ALK: variants seen among roughly 807,000 people sequenced by gnomAD.
The protein encoded by ALK is ALK receptor tyrosine kinase.
A neutral mutation model predicts 163.1 loss-of-function variants in ALK; 74 were observed. That is an observed-to-expected ratio of 0.45 (90% CI 0.38 to 0.55). The LOEUF (loss-of-function observed/expected upper bound fraction) is 0.55, where lower values mean the gene tolerates loss of function less well. ALK is among the 20% of genes least tolerant of loss of function. The pLI, the probability that ALK is intolerant of heterozygous loss-of-function variation, is 0.00. For missense variants in ALK, 2,063 were observed against 2,105.3 expected (o/e 0.98, Z 0.39); for synonymous variants, 960 against 843.2 (o/e 1.14, Z -2.40).
At chr2:29,653,015 T>G (rs905168490) in intron 3 of ALK, among the ~76,000 whole-genome samples, 1 of 152,106 alleles carries the variant, frequency 6.6e-6, no homozygotes, top group South Asian at 2.1e-4. Context: ...TCCTAAGGCT[T>G]GGACTTAAGA....
At chr2:29,897,999 C>T (rs928165035) in intron 1 of ALK, among the ~76,000 whole-genome samples, 1 of 152,072 alleles carries the variant, frequency 6.6e-6, no homozygotes, top group Non-Finnish European at 1.5e-5. Flanking sequence ...AGCTTGAAGT[C>T]AGACAGAAGT....
chr2:29,875,623 C>T (rs893202829), intron 1 of ALK, among the ~76,000 whole-genome samples: 1 of 152,084 alleles, frequency 6.6e-6, no homozygotes, highest in African/African-American at 2.4e-5. Flanking sequence ...TGATGTTCCT[C>T]CCACTGTGTC....
intron 5 of ALK, among the ~76,000 whole-genome samples, chr2:29,377,335 C>T (rs565545988): frequency 2.0e-5 from 3 of 152,116 alleles, no homozygotes; most frequent in Admixed American, 1.3e-4. Flanking sequence ...ATTAGCCAGG[C>T]GTGGTGGCTT....
intron 4 of ALK, among the ~76,000 whole-genome samples, chr2:29,515,752 A>C (rs898881900): frequency 2.6e-5 from 4 of 152,220 alleles, no homozygotes; most frequent in African/African-American, 4.8e-5. Context: ...CAACTTTAGA[A>C]GCATACGGTA....
At chr2:29,301,126 T>A (rs1666356117) in intron 8 of ALK, among the ~76,000 whole-genome samples, 1 of 152,192 alleles carries the variant, frequency 6.6e-6, no homozygotes, top group Admixed American at 6.5e-5. Context: ...GGTTCCAGAC[T>A]CCCCTACACC....
intron 4 of ALK, among the ~76,000 whole-genome samples, chr2:29,477,984 T>G (rs1300040539): frequency 2.0e-5 from 3 of 152,194 alleles, no homozygotes; most frequent in Non-Finnish European, 4.4e-5. Context: ...AAAAAGACTA[T>G]TTTCCTGAGT....
At chr2:29,373,134 T>C (rs1191724820) in intron 5 of ALK, among the ~76,000 whole-genome samples, 1 of 152,270 alleles carries the variant, frequency 6.6e-6, no homozygotes, top group East Asian at 1.9e-4. Flanking sequence ...GGGAGTCCCA[T>C]TACCCAAAAC....
At chr2:29,739,386 C>T (rs10207903) in intron 1 of ALK, among the ~76,000 whole-genome samples, 129,482 of 151,342 alleles carry the variant, frequency 0.86, 55,618 homozygotes, top group African/African-American at 0.92. Flanking sequence ...TGTGAAACAC[C>T]GTCTCTACTA....
intron 4 of ALK, among the ~76,000 whole-genome samples, chr2:29,502,998 T>C (rs1672225723): frequency 6.6e-6 from 1 of 152,198 alleles, no homozygotes; most frequent in South Asian, 2.1e-4. Flanking sequence ...ATTGTCTTTA[T>C]GCAGGGTGGG....
At chr2:29,408,281 G>A in intron 4 of ALK, among the ~76,000 whole-genome samples, 1 of 151,770 alleles carries the variant, frequency 6.6e-6, no homozygotes, top group East Asian at 1.9e-4. Flanking sequence ...GTAGAGACAG[G>A]GTTCCACTGT....
chr2:29,618,455 T>C (rs535508153), intron 3 of ALK, among the ~76,000 whole-genome samples: 10 of 151,916 alleles, frequency 6.6e-5, no homozygotes, highest in Non-Finnish European at 1.5e-4. Context: ...GCAGGAGTGC[T>C]GTCATCTTCT....
intron 11 of ALK, among the ~76,000 whole-genome samples, chr2:29,261,703 T>C (rs568131496): frequency 1.3e-5 from 2 of 152,356 alleles, no homozygotes; most frequent in South Asian, 2.1e-4. Context: ...ATGAGTTGTT[T>C]AGGGCTATTT....
intron 4 of ALK, among the ~76,000 whole-genome samples, chr2:29,519,076 T>C (rs1022805257): frequency 1.3e-5 from 2 of 152,242 alleles, no homozygotes; most frequent in Admixed American, 6.5e-5. Flanking sequence ...CCATTTTGTG[T>C]ATAAAACACA....
chr2:29,491,266 T>C (rs1159376541), intron 4 of ALK, among the ~76,000 whole-genome samples: 3 of 152,202 alleles, frequency 2.0e-5, no homozygotes, highest in Admixed American at 2.0e-4. Flanking sequence ...AAAGCCCCTG[T>C]AGAGACAGGT....
At chr2:29,248,939 A>T (rs1421757000) in intron 12 of ALK, among the ~76,000 whole-genome samples, 1 of 152,266 alleles carries the variant, frequency 6.6e-6, no homozygotes, top group Non-Finnish European at 1.5e-5. Flanking sequence ...TCTTGGAAAC[A>T]CTGCCTGCCT....
At chr2:29,676,388 T>G (rs1249193098) in intron 3 of ALK, among the ~76,000 whole-genome samples, 2 of 152,206 alleles carry the variant, frequency 1.3e-5, no homozygotes, top group East Asian at 3.9e-4. Flanking sequence ...TATTCTAAGT[T>G]CATTTTTTTG....
At position 29,786,899 on chromosome 2, in the gene ALK, G is replaced by A. The variant is rs183527637; in HGVS notation, c.668-69202C>T. ...CTCTACCTACCTCCTAGGTTCAAGC[G>A]ATTCTCCTGCCTCAGCCTCCCGAGT... On this transcript the variant is annotated intron_variant, in intron 1 of 28. Transcript: ENST00000389048. 2.4e-3 allele frequency among the ~76,000 whole-genome samples: 371 copies of A among 152,204 alleles called. 1 individual carries two copies. Among genetic ancestry groups the A allele is most frequent in the African/African-American group, 8.4e-3 (347 of 41,542 alleles).
At chr2:29,759,168 C>A (rs909652986) in intron 1 of ALK, among the ~76,000 whole-genome samples, 20 of 152,186 alleles carry the variant, frequency 1.3e-4, no homozygotes, top group African/African-American at 4.6e-4. Flanking sequence ...GCAAGATGGT[C>A]ACACAAGACC....
intron 3 of ALK, among the ~76,000 whole-genome samples, chr2:29,620,801 C>T (rs992499485): frequency 3.9e-5 from 6 of 152,124 alleles, no homozygotes; most frequent in South Asian, 2.1e-4. Context: ...AATAACCCCG[C>T]GCCTCGGGAG....
Sources: allele counts gnomAD v4.1 joint callset (sites outside exome capture counted in the v4.1 genomes callset), GRCh38; gene constraint gnomAD v4.1.1; transcripts MANE v1.5; gene names NCBI Gene and HGNC (gene_info 2026-07-23, HGNC 2026-07-21).